Variants in ATAD3B observed in about 807,000 individuals in gnomAD.
ATAD3B encodes the protein ATPase family AAA domain containing 3B, also known as ATPase family AAA domain-containing protein 3B.
A neutral mutation model predicts 70.2 loss-of-function variants in ATAD3B; 59 were observed. That is an observed-to-expected ratio of 0.84 (90% CI 0.68 to 1.04). ATAD3B has a LOEUF of 1.04. Among genes scored for constraint, ATAD3B ranks in the 50% least tolerant of loss-of-function variants. The pLI is 0.00. For missense variants in ATAD3B, 961 were observed against 913.4 expected (o/e 1.05, Z -0.67); for synonymous variants, 423 against 388.6 (o/e 1.09, Z -1.04).
intron 15 of ATAD3B, among the ~76,000 whole-genome samples, chr1:1,492,619 A>AC (rs59289285): frequency 0.33 from 49,144 of 151,088 alleles, 14,409 homozygotes; most frequent in African/African-American, 0.75. Context: ...GTGTGCCGAG[A>AC]CCCCACCTCT....
chr1:1,480,010 A>G (rs1346054669), intron 4 of ATAD3B, among the ~76,000 whole-genome samples: 1 of 139,350 alleles, frequency 7.2e-6, no homozygotes, highest in African/African-American at 2.8e-5. Context: ...CCCCTCACAC[A>G]TAGGCACACA....
chr1:1,485,295 C>T, intron 8 of ATAD3B, 124 bp downstream of exon 8: 1 of 1,463,044 alleles, frequency 6.8e-7, no homozygotes. Flanking sequence ...CACCCGCACG[C>T]TGCTTCACGG....
In ATAD3B at chr1:1,486,602, C is replaced by G; in HGVS notation, c.1148C>G (p.Pro383Arg). 6.2e-7 allele frequency: 1 copy of G among 1,611,508 alleles called. No homozygotes were observed. Among genetic ancestry groups the G allele is most frequent in the South Asian group, 1.1e-5 (1 of 90,998 alleles). Residue 383 changes from proline to arginine, a missense_variant, in exon 11 of 16, where the codon CCC (proline) becomes CGC (arginine). Pro to Arg is a moderately radical substitution (Grantham distance 103). Transcript: ENST00000673477. The part of the protein sequence containing the change: ...YAIMTGGDVA[P>R]MGREGVTAMH... ...ATCATGACAGGCGGGGACGTGGCCC[C>G]CATGGGGCGGGAAGGCGTGACCGCC...
intron 15 of ATAD3B, among the ~76,000 whole-genome samples, chr1:1,491,986 G>A (rs1377126597): frequency 6.6e-6 from 1 of 151,866 alleles, no homozygotes; most frequent in Non-Finnish European, 1.5e-5. Context: ...AGGGGTTCAG[G>A]ACCAGCCTGG....
downstream of ATAD3B, among the ~76,000 whole-genome samples, chr1:1,500,652 T>A (rs1011594620): frequency 6.6e-6 from 1 of 151,004 alleles, no homozygotes; most frequent in African/African-American, 2.4e-5. Context: ...TATATATATA[T>A]AAATGTATCA....
At position 1,478,658 on chromosome 1, in the gene ATAD3B, C is replaced by T. The variant is rs139452368; in HGVS notation, c.297C>T (p.Ala99=). ...GTGCTCTGCAGGAGTATGAGGCCGCCGTGGAGCAGCTCAAGAGCGAGCAGA... is the reference window on the plus strand; with the variant it reads ...GTGCTCTGCAGGAGTATGAGGCCGCTGTGGAGCAGCTCAAGAGCGAGCAGA... ...QQSKLKEYEA[A]VEQLKSEQIR... is the part of the protein sequence containing the mutation. The change falls in exon 3 of 16, where the codon GCC becomes GCT. Residue 99 remains alanine (A), a synonymous_variant. Coordinates refer to ENST00000673477, the MANE Select transcript of ATAD3B (RefSeq NM_031921.6). 411 of 1,546,650 alleles carry T rather than the reference C, an allele frequency of 2.7e-4. 2 individuals carry two copies. The African/African-American group carries it at 5.0e-3, about 19-fold the overall frequency.
rs1452379907 is a variant in ATAD3B, at chr1:1,490,508, C to T, written c.1506-55C>T. 6 of 1,611,082 alleles carry T rather than the reference C, an allele frequency of 3.7e-6. No homozygotes were observed. In the African/African-American group the frequency reaches 5.3e-5, roughly 14 times the overall value. On this transcript the variant is annotated intron_variant, in intron 14 of 15. Transcript: ENST00000673477. ...CAGCTGCCTGTCTTCCGGCCTCCAC[C>T]TCATGGTGTGGGGTCCGCGGCCTTG...
chr1:1,481,755 C>T (rs1429957642), intron 5 of ATAD3B, among the ~76,000 whole-genome samples: 3 of 151,338 alleles, frequency 2.0e-5, no homozygotes, highest in Admixed American at 6.6e-5. Context: ...GTTGCCTAGG[C>T]CTCTGGGTCG....
intron 15 of ATAD3B, among the ~76,000 whole-genome samples, chr1:1,493,406 T>C (rs113617310): frequency 0.057 from 8,699 of 151,998 alleles, 649 homozygotes; most frequent in African/African-American, 0.17. Context: ...TAGGGCATGT[T>C]CTTCAATCCT....
intron 15 of ATAD3B, among the ~76,000 whole-genome samples, chr1:1,492,214 C>A (rs541985866): frequency 1.3e-5 from 2 of 151,650 alleles, no homozygotes; most frequent in African/African-American, 4.8e-5. Context: ...GGAACAAGCC[C>A]GGTGGCTCAC....
At chr1:1,487,570 G>A (rs1165712576) in intron 11 of ATAD3B, among the ~76,000 whole-genome samples, 1 of 151,864 alleles carries the variant, frequency 6.6e-6, no homozygotes, top group Admixed American at 6.6e-5. Flanking sequence ...CCTGCAGGGC[G>A]GAGGCTGTTG....
downstream of ATAD3B, among the ~76,000 whole-genome samples, chr1:1,498,324 C>G (rs1055603792): frequency 6.6e-6 from 1 of 151,406 alleles, no homozygotes; most frequent in Non-Finnish European, 1.5e-5. Context: ...TAAAAATTAG[C>G]GGTGCCTGGT....
At chr1:1,492,865 G>A (rs1640605311) in intron 15 of ATAD3B, among the ~76,000 whole-genome samples, 1 of 151,680 alleles carries the variant, frequency 6.6e-6, no homozygotes, top group Admixed American at 6.6e-5. Context: ...CTTGAACCCG[G>A]GAGGTGGAGG....
intron 1 of ATAD3B, among the ~76,000 whole-genome samples, chr1:1,474,378 G>C (rs1164606960): frequency 6.7e-6 from 1 of 149,536 alleles, no homozygotes; most frequent in South Asian, 2.1e-4. Context: ...TTTTTTTAGA[G>C]ACCGGTTTTC....
In ATAD3B at chr1:1,477,255, G is replaced by A. The variant is rs766753655; in HGVS notation, c.206-19G>A. On this transcript the variant is annotated intron_variant, in intron 1 of 15. Transcript: ENST00000673477. ...TCCGTGTATCCTACACCTGCTCTCCGTGCCACATGCGCCCGCAGGTTACGC... is the reference window on the plus strand; with the variant it reads ...TCCGTGTATCCTACACCTGCTCTCCATGCCACATGCGCCCGCAGGTTACGC... The A allele has an allele frequency of 8.1e-6, 13 of 1,611,870 alleles. 1 individual carries two copies. Among genetic ancestry groups the A allele is most frequent in the East Asian group, 2.2e-5 (1 of 44,870 alleles).
downstream of ATAD3B, among the ~76,000 whole-genome samples, chr1:1,498,001 A>G (rs1640844505): frequency 1.3e-5 from 2 of 150,936 alleles, no homozygotes; most frequent in Non-Finnish European, 2.9e-5. Flanking sequence ...CCCCATCTCT[A>G]CAAAAAATAC....
At chr1:1,490,123 T>C (rs1286346667) in intron 13 of ATAD3B, 134 bp from the exon 14 acceptor site, 6 of 1,453,920 alleles carry the variant, frequency 4.1e-6, no homozygotes, top group Admixed American at 2.7e-5. Context: ...GTTCTCCCCA[T>C]GTTTCCTGTG....
rs149036986 is a variant in ATAD3B, at chr1:1,489,217, A to G, written c.1280A>G (p.Lys427Arg). 126 of 1,613,560 alleles carry G rather than the reference A, an allele frequency of 7.8e-5. 2 individuals are homozygous for G. In the Middle Eastern group the frequency reaches 8.3e-4, roughly 11 times the overall value. ...TTCTCTCTGCAGGAGGAGATAAGCA[A>G]GGACCTCAGAGCCACACTGAACGCC... ...LRKRATEEIS[K>R]DLRATLNAFL... Residue 427 changes from lysine to arginine, a missense_variant, in exon 13 of 16, where the codon AAG (lysine) becomes AGG (arginine). Physicochemically the swap from Lys to Arg is conservative, Grantham distance 26. Around this residue, in one of 4 missense-constraint regions of ATAD3B, gnomAD observed 417 missense variants for 335.0 expected, o/e 1.24. Transcript: ENST00000673477.
intron 14 of ATAD3B, 44 bp downstream of exon 14, chr1:1,490,468 G>A (rs749454095): frequency 4.3e-6 from 7 of 1,611,988 alleles, no homozygotes; most frequent in Admixed American, 1.7e-5. Context: ...GGCACCATAT[G>A]GCATGGGTGT....
Sources: allele counts gnomAD v4.1 joint callset (sites outside exome capture counted in the v4.1 genomes callset), GRCh38; gene constraint gnomAD v4.1.1; regional missense constraint gnomAD v4.1.1; transcripts MANE v1.5; gene names NCBI Gene and HGNC (gene_info 2026-07-23, HGNC 2026-07-21).